The following DACT1 variants were observed in gnomAD, a reference collection of about 807,000 sequenced individuals.
DACT1 encodes the protein dapper homolog 1.
Under a neutral mutation model 35.3 loss-of-function variants are expected in DACT1, and 19 were observed. The ratio of observed to expected loss-of-function variants is 0.54; its 90% CI spans 0.38 to 0.79. The LOEUF (loss-of-function observed/expected upper bound fraction) is 0.79. Among genes scored for constraint, DACT1 ranks in the 30% least tolerant of loss-of-function variants. The pLI, the probability that DACT1 is intolerant of heterozygous loss-of-function variation, is 0.00. For synonymous variants in DACT1, 545 were observed against 466.7 expected (o/e 1.17, Z -2.16); for missense variants, 1,143 against 1,057.5 (o/e 1.08, Z -1.12).
chr14:58,646,262 C>T lies in DACT1; in HGVS notation c.1528C>T (p.Gln510Ter), dbSNP rs1386784170. ...GGATTTCAAGAGCGAGGGCTCTTCCCAAAGCCTGGAGGAAGCGCACCTGGT... is the reference window on the plus strand; with the variant it reads ...GGATTTCAAGAGCGAGGGCTCTTCCTAAAGCCTGGAGGAAGCGCACCTGGT... Reference protein sequence around the residue: ...ALDFKSEGSSQSLEEAHLVKA... With the variant: ...ALDFKSEGSS Residue 510 changes from glutamine (Q) to a stop codon, truncating the protein, a stop_gained, in exon 4 of 4, where the codon CAA becomes TAA. Transcript: ENST00000395153. LOFTEE classifies it low-confidence loss of function (END_TRUNC). 1 of 1,613,908 alleles carries T rather than the reference C, an allele frequency of 6.2e-7. No homozygotes were observed. The highest frequency in any genetic ancestry group is 1.1e-5 in the South Asian group (1 of 91,030).
Position 58,646,438 on chromosome 14 carries a change from G to A in DACT1, c.1704G>A (p.Thr568=), listed in dbSNP as rs966956659. Residue 568 remains threonine, a synonymous_variant, in exon 4 of 4, where the codon ACG becomes ACA. Transcript: ENST00000395153. ...ENGLPTVREK[T]RAGSKKCRFP... ...GCTTGCCCACCGTCAGGGAGAAAAC[G>A]CGGGCCGGGAGCAAGAAGTGTCGCT... 7 of 1,589,838 alleles carry A rather than the reference G, an allele frequency of 4.4e-6. No individual in the cohort carries two copies. The highest frequency in any genetic ancestry group is 1.9e-5 in the Admixed American group (1 of 53,112).
At chr14:58,634,312 A>C (rs1261214579), upstream of DACT1, 1 of 152,168 alleles carries the variant, frequency 6.6e-6, no homozygotes, top group Non-Finnish European at 1.5e-5. Context: ...TTCTTCTGCT[A>C]TTCCCCTATT....
rs1303067754 is a variant in DACT1 at position 58,646,835 on chromosome 14, G to A, written c.2101G>A (p.Val701Met). The stretch of plus-strand genomic sequence containing the variant: ...GTGCGAGTCCCTGTTCCACTCCACC[G>A]TGGTGGACACCAGTGAGGACGAGCA... ...AECESLFHST[V>M]VDTSEDEQSN... The change falls in exon 4 of 4, where the codon GTG becomes ATG. Residue 701 changes from valine to methionine, a missense_variant. Coordinates refer to ENST00000395153, the MANE Select transcript of DACT1 (RefSeq NM_001079520.2). 3.7e-6 allele frequency: 6 copies of A among 1,614,056 alleles called. No individual in the cohort carries two copies. The highest frequency in any genetic ancestry group is 4.5e-5 in the East Asian group (2 of 44,886).
rs1338418279 is a variant in DACT1, at chr14:58,638,080, C to A, written c.-123C>A. 56 of 1,072,902 alleles carry A rather than the reference C, an allele frequency of 5.2e-5. 1 individual carries two copies. In the South Asian group the frequency reaches 2.4e-3, roughly 46 times the overall value. The allele number at this position is 1,072,902 out of a possible 1,614,324, so 66.5% of individuals were successfully genotyped here. ...ACTCGAGGGCTTCTAGCCACCGTCC[C>A]CGCCAGCGCCGCGCCCCGCCACAGG... On this transcript the variant is annotated 5_prime_UTR_variant, in exon 1 of 4. Coordinates refer to ENST00000395153, the MANE Select transcript of DACT1 (RefSeq NM_001079520.2).
In DACT1 at chr14:58,638,119, A is replaced by G. The variant is rs1357174934; in HGVS notation, c.-84A>G. 203 of 1,213,090 alleles carry G rather than the reference A, an allele frequency of 1.7e-4. No individual in the cohort carries two copies. The highest frequency in any genetic ancestry group is 2.0e-4 in the Non-Finnish European group (195 of 973,908). 75.1% of individuals were successfully genotyped at this position (1,213,090 alleles called of 1,614,324 possible). On this transcript the variant is annotated 5_prime_UTR_variant, in exon 1 of 4. Coordinates refer to ENST00000395153, the MANE Select transcript of DACT1 (RefSeq NM_001079520.2). Reference sequence around the variant, plus strand: ...CCCCGCCACAGGGCGGCATGAGCCCACCCGCGGCCGCAGCCCTAGCGCCCT... The same window carrying G: ...CCCCGCCACAGGGCGGCATGAGCCCGCCCGCGGCCGCAGCCCTAGCGCCCT...
intron 3 of DACT1, among the ~76,000 whole-genome samples, chr14:58,644,674 T>TA (rs907117715): frequency 1.3e-5 from 2 of 152,152 alleles, no homozygotes; most frequent in African/African-American, 4.8e-5. Context: ...GAATTAGGTT[T>TA]AAAAAAACAC....
In DACT1 at chr14:58,646,234, C is replaced by G. The variant is rs34358358; in HGVS notation, c.1500C>G (p.Ala500=). ...CTTTCCCCGTGGAAGAGAGGCCTGC[C>G]TTGGATTTCAAGAGCGAGGGCTCTT... is the stretch of plus-strand genomic sequence containing the variant. ...STAFPVEERP[A]LDFKSEGSSQ... is the part of the protein sequence containing the mutation. Residue 500 remains alanine, a synonymous_variant, in exon 4 of 4, where the codon GCC becomes GCG. Coordinates refer to ENST00000395153, the MANE Select transcript of DACT1 (RefSeq NM_001079520.2). 4,184 of 1,614,040 alleles carry G rather than the reference C, an allele frequency of 2.6e-3. 85 individuals carry two copies. The African/African-American group carries it at 0.048, about 19-fold the overall frequency.
chr14:58,640,946 C>T (rs1271753175), intron 2 of DACT1, 78 bp downstream of exon 2: 1 of 1,499,172 alleles, frequency 6.7e-7, no homozygotes, highest in East Asian at 2.3e-5. Context: ...ATTCCCAGAC[C>T]TGCAAATGGC....
At position 58,638,208 on chromosome 14, in the gene DACT1, G is replaced by A; in HGVS notation, c.6G>A (p.Lys2=). The change falls in exon 1 of 4, where the codon AAG becomes AAA. Residue 2 remains lysine, a synonymous_variant. Coordinates refer to ENST00000395153, the MANE Select transcript of DACT1 (RefSeq NM_001079520.2). The part of the protein sequence containing the change: M[K]PSPAGTAKEL... ...TCGCTGCCCGACTGGGGGCCATGAA[G>A]CCGAGTCCGGCCGGGACGGCGAAGG... The A allele has an allele frequency of 1.5e-6, 2 of 1,337,560 alleles. No homozygotes were observed. The highest frequency in any genetic ancestry group is 1.9e-6 in the Non-Finnish European group (2 of 1,045,158). 82.9% of individuals were successfully genotyped at this position (1,337,560 alleles called of 1,614,324 possible).
rs1163733919 is a variant in DACT1 at position 58,637,964 on chromosome 14, T to A, written c.-239T>A. On this transcript the variant is annotated 5_prime_UTR_variant, in exon 1 of 4. Transcript: ENST00000395153. ...CGTGACGTAGCGCCGGGCAGGGCGTTATCAGCTGCCGGGCCGCGGCGAGGG... is the reference window on the plus strand; with the variant it reads ...CGTGACGTAGCGCCGGGCAGGGCGTAATCAGCTGCCGGGCCGCGGCGAGGG... 1 of 248,062 alleles carries A rather than the reference T, an allele frequency of 4.0e-6. No individual in the cohort carries two copies. Among genetic ancestry groups the A allele is most frequent in the Non-Finnish European group, 7.4e-6 (1 of 135,954 alleles). The allele number at this position is 248,062 out of a possible 1,614,324, so 15.4% of individuals were successfully genotyped here.
chr14:58,638,602 G>C (rs574279826), intron 1 of DACT1, 55 bp downstream of exon 1: 254 of 1,294,940 alleles, frequency 2.0e-4, no homozygotes, highest in Non-Finnish European at 2.2e-4. Context: ...GCTGGAGGTC[G>C]GGCAGGTGGC....
At chr14:58,642,442 C>T (rs1272942848) in intron 3 of DACT1, among the ~76,000 whole-genome samples, 1 of 152,010 alleles carries the variant, frequency 6.6e-6, no homozygotes, top group East Asian at 1.9e-4. Context: ...CGAGATTGGA[C>T]CACTGTACTC....
At chr14:58,643,785 C>T (rs927452465) in intron 3 of DACT1, among the ~76,000 whole-genome samples, 4 of 151,920 alleles carry the variant, frequency 2.6e-5, no homozygotes, top group African/African-American at 9.7e-5. Context: ...GTCAGTGTGG[C>T]TTTAAGTAAG....
chr14:58,640,637 G>A (rs2047617303), intron 1 of DACT1, 99 bp from the exon 2 acceptor site: 1 of 1,439,220 alleles, frequency 6.9e-7, no homozygotes, highest in Non-Finnish European at 9.3e-7. Context: ...TCTAAGTTTA[G>A]TGAACTCTTC....
rs1566511572 is a variant in DACT1, at chr14:58,646,874, A to G, written c.2140A>G (p.Thr714Ala). The change falls in exon 4 of 4, where the codon ACC (threonine) becomes GCC (alanine). Residue 714 changes from threonine (T) to alanine (A), a missense_variant. Transcript: ENST00000395153. ...TSEDEQSNYTTNCFGDSESSV... is the reference protein window; with the variant it reads ...TSEDEQSNYTANCFGDSESSV... Reference sequence around the variant, plus strand: ...TGAGGACGAGCAGAGCAATTACACCACCAACTGCTTCGGGGACAGCGAGTC... The same window carrying G: ...TGAGGACGAGCAGAGCAATTACACCGCCAACTGCTTCGGGGACAGCGAGTC... 6.2e-7 allele frequency: 1 copy of G among 1,613,982 alleles called. No individual in the cohort carries two copies. The highest frequency in any genetic ancestry group is 8.5e-7 in the Non-Finnish European group (1 of 1,179,970).
rs781509915 is a variant in DACT1, at chr14:58,645,409, C to T, written c.675C>T (p.Asn225=). 1.7e-5 allele frequency: 28 copies of T among 1,614,084 alleles called. No homozygotes were observed. Among genetic ancestry groups the T allele is most frequent in the East Asian group, 1.6e-4 (7 of 44,906 alleles). ...PKYQCDLVSK[N]GNDVYRYPSP... is the part of the protein sequence containing the mutation. ...ACCAGTGTGATCTGGTGTCTAAAAA[C>T]GGGAATGATGTATATCGCTATCCCA... Residue 225 remains asparagine (N), a synonymous_variant, in exon 4 of 4, where the codon AAC becomes AAT. Transcript: ENST00000395153.
Position 58,646,184 on chromosome 14 carries a change from G to T in DACT1, c.1450G>T (p.Ala484Ser). ...QKNSLQGVPP[A>S]TPPLLSTAFP... ...AAACAGCCTGCAGGGCGTCCCCCCG[G>T]CCACTCCTCCCCTGCTGTCTACAGC... The change falls in exon 4 of 4, where the codon GCC becomes TCC. Residue 484 changes from alanine to serine, a missense_variant. Ala to Ser is a moderately conservative substitution (Grantham distance 99). Transcript: ENST00000395153. 6.2e-7 allele frequency: 1 copy of T among 1,613,616 alleles called. No individual in the cohort carries two copies. The highest frequency in any genetic ancestry group is 8.5e-7 in the Non-Finnish European group (1 of 1,179,876).
chr14:58,641,865 C>T, intron 3 of DACT1, 118 bp downstream of exon 3: 2 of 901,556 alleles, frequency 2.2e-6, no homozygotes, highest in Non-Finnish European at 1.7e-6. Context: ...CACTTTGCGG[C>T]ATTTAGTGCC....
chr14:58,642,689 A>G (rs945254560), intron 3 of DACT1, among the ~76,000 whole-genome samples: 1 of 152,162 alleles, frequency 6.6e-6, no homozygotes, highest in Admixed American at 6.5e-5. Context: ...GTGAGGCTCC[A>G]TCTCAATCAA....
Sources: gnomAD v4.1 joint callset for allele counts (sites outside exome capture counted in the v4.1 genomes callset) on GRCh38, gnomAD v4.1.1 for gene constraint, MANE v1.5 for transcripts, NCBI Gene and HGNC (gene_info 2026-07-23, HGNC 2026-07-21) for gene names.